Variants in FGF14 observed in about 807,000 individuals in gnomAD.
FGF14 encodes fibroblast growth factor 14, also known as fibroblast growth factor homologous factor 4.
In FGF14, 5 loss-of-function variants were observed where a neutral mutation model predicts 25.5. The observed-to-expected ratio is 0.20, with a 90% CI of 0.10 to 0.41. The LOEUF is 0.41. FGF14 is among the 10% of genes least tolerant of loss of function. The pLI is 1.00. For missense variants in FGF14, 222 were observed against 320.1 expected (o/e 0.69, Z 2.34); for synonymous variants, 138 against 118.3 (o/e 1.17, Z -1.08).
intron 1 of FGF14, among the ~76,000 whole-genome samples, chr13:102,324,112 T>C (rs1566937173): frequency 6.6e-6 from 1 of 152,074 alleles, no homozygotes; most frequent in Non-Finnish European, 1.5e-5. Flanking sequence ...GATAATATTT[T>C]TACACTCAAG....
At chr13:101,962,693 A>AT (rs35072886) in intron 1 of FGF14, among the ~76,000 whole-genome samples, 15,662 of 152,232 alleles carry the variant, frequency 0.1, 934 homozygotes, top group Admixed American at 0.2. Flanking sequence ...AATTTTTTAT[A>AT]TTTTGAATAT....
At chr13:101,878,533 T>C (rs1002463762) in intron 1 of FGF14, among the ~76,000 whole-genome samples, 1 of 152,096 alleles carries the variant, frequency 6.6e-6, no homozygotes, top group Non-Finnish European at 1.5e-5. Flanking sequence ...AAAAATCCCA[T>C]AGAGAGAATA....
intron 3 of FGF14, among the ~76,000 whole-genome samples, chr13:101,863,726 A>AT (rs1185313187): frequency 6.6e-6 from 1 of 152,158 alleles, no homozygotes; most frequent in Non-Finnish European, 1.5e-5. Flanking sequence ...GAGCAGTTGT[A>AT]TTTCTATACC....
At chr13:102,344,664 A>G (rs7981529) in intron 1 of FGF14, among the ~76,000 whole-genome samples, 18,634 of 152,216 alleles carry the variant, frequency 0.12, 2,689 homozygotes, top group African/African-American at 0.35. Flanking sequence ...AGTAAGGAAG[A>G]AGAGAGGCAC....
intron 1 of FGF14, among the ~76,000 whole-genome samples, chr13:102,131,180 G>A (rs886898730): frequency 6.6e-6 from 1 of 152,144 alleles, no homozygotes; most frequent in Non-Finnish European, 1.5e-5. Flanking sequence ...GGCAATGAAG[G>A]CTAAACCTCT....
intron 1 of FGF14, among the ~76,000 whole-genome samples, chr13:102,099,048 G>A (rs899766158): frequency 1.8e-4 from 27 of 152,236 alleles, no homozygotes; most frequent in African/African-American, 6.0e-4. Context: ...TAACAGTGAG[G>A]GGCAGGGCTC....
At chr13:101,838,592 A>T (rs1358485945) in intron 3 of FGF14, among the ~76,000 whole-genome samples, 1 of 152,078 alleles carries the variant, frequency 6.6e-6, no homozygotes. Flanking sequence ...AAGTAAATGT[A>T]CTTTTTACCC....
intron 1 of FGF14, among the ~76,000 whole-genome samples, chr13:101,943,537 T>C (rs557420770): frequency 6.6e-6 from 1 of 152,200 alleles, no homozygotes; most frequent in South Asian, 2.1e-4. Flanking sequence ...ATTATCCAGG[T>C]CTAAACATCA....
chr13:101,736,342 C>G (rs1262850731), intron 3 of FGF14, among the ~76,000 whole-genome samples: 2 of 151,976 alleles, frequency 1.3e-5, no homozygotes, highest in African/African-American at 4.8e-5. Context: ...GGAACTTGTG[C>G]CTGTCTATAG....
chr13:102,340,711 C>A (rs530730889), intron 1 of FGF14, among the ~76,000 whole-genome samples: 136 of 152,208 alleles, frequency 8.9e-4, no homozygotes, highest in African/African-American at 3.2e-3. Flanking sequence ...ATCAAGAAGG[C>A]AGTCATAAAA....
intron 1 of FGF14, among the ~76,000 whole-genome samples, chr13:101,899,918 TCATA>T (rs930031234): frequency 3.4e-4 from 52 of 152,276 alleles, no homozygotes; most frequent in African/African-American, 1.2e-3. Context: ...AATGTAATTG[TCATA>T]CAGAGAATAT....
intron 1 of FGF14, among the ~76,000 whole-genome samples, chr13:102,234,464 A>T (rs1287557893): frequency 1.3e-5 from 1 of 79,030 alleles, no homozygotes; most frequent in African/African-American, 5.5e-5. Flanking sequence ...ATGTGAAGGT[A>T]CTTAATACCA....
At chr13:102,091,699 C>G (rs1261423620) in intron 1 of FGF14, among the ~76,000 whole-genome samples, 1 of 152,146 alleles carries the variant, frequency 6.6e-6, no homozygotes, top group Non-Finnish European at 1.5e-5. Flanking sequence ...TAGACCTTCC[C>G]TCGAAGTTTT....
At chr13:102,005,255 A>G (rs1184845770) in intron 1 of FGF14, among the ~76,000 whole-genome samples, 1 of 152,200 alleles carries the variant, frequency 6.6e-6, no homozygotes, top group African/African-American at 2.4e-5. Context: ...CTGTTATCAA[A>G]ATCCCTACAT....
At chr13:102,113,615 TCCCCAGAC>T in intron 1 of FGF14, among the ~76,000 whole-genome samples, 1 of 152,298 alleles carries the variant, frequency 6.6e-6, no homozygotes, top group Middle Eastern at 3.4e-3. Flanking sequence ...TCAAGGACTA[TCCCCAGAC>T]CCACCAGTTC....
chr13:102,205,338 T>C (rs2049855301), intron 1 of FGF14, among the ~76,000 whole-genome samples: 1 of 152,034 alleles, frequency 6.6e-6, no homozygotes, highest in African/African-American at 2.4e-5. Flanking sequence ...ATGCTTAACA[T>C]AAAACAAGGC....
At chr13:102,043,360 C>G (rs754743504) in intron 1 of FGF14, among the ~76,000 whole-genome samples, 5 of 152,132 alleles carry the variant, frequency 3.3e-5, no homozygotes, top group Middle Eastern at 6.3e-3. Context: ...CCAATTGGAA[C>G]CAGGCTGCAT....
intron 1 of FGF14, among the ~76,000 whole-genome samples, chr13:101,891,477 T>G (rs1362216263): frequency 2.6e-5 from 4 of 152,186 alleles, no homozygotes; most frequent in African/African-American, 9.6e-5. Flanking sequence ...GCTCTGTATC[T>G]TCCCATATGC....
At chr13:101,939,421 T>C (rs1255321339) in intron 1 of FGF14, among the ~76,000 whole-genome samples, 1 of 152,218 alleles carries the variant, frequency 6.6e-6, no homozygotes, top group African/African-American at 2.4e-5. Flanking sequence ...TCTTACTTTA[T>C]TTTTGTCTGA....
Sources: gnomAD v4.1 joint callset for allele counts (sites outside exome capture counted in the v4.1 genomes callset) on GRCh38, gnomAD v4.1.1 for gene constraint, MANE v1.5 for transcripts, NCBI Gene and HGNC (gene_info 2026-07-23, HGNC 2026-07-21) for gene names.